Variants in QTMAN observed in about 807,000 individuals in gnomAD.
QTMAN encodes queuosine-tRNA mannosyltransferase.
the QTMAN span, among the ~76,000 whole-genome samples, chr2:144,221,768 A>C: frequency 6.6e-6 from 1 of 152,210 alleles, no homozygotes; most frequent in South Asian, 2.1e-4. Context: ...TATTGCTATA[A>C]GGAAATTCAT....
the QTMAN span, among the ~76,000 whole-genome samples, chr2:144,306,868 G>T: frequency 1.3e-5 from 2 of 152,002 alleles, no homozygotes; most frequent in Admixed American, 6.6e-5. Context: ...AGTGTTAAAA[G>T]AAAATACAAA....
chr2:144,145,641 T>C, the QTMAN span: 29 of 1,611,232 alleles, frequency 1.8e-5, no homozygotes, highest in African/African-American at 5.4e-5. Context: ...ATATATCAAC[T>C]GGTTCTCGTG....
the QTMAN span, among the ~76,000 whole-genome samples, chr2:144,013,751 A>G: frequency 6.6e-6 from 1 of 152,346 alleles, no homozygotes; most frequent in Admixed American, 6.5e-5. Context: ...ACATTGAGGC[A>G]GTTCAGCGAT....
the QTMAN span, among the ~76,000 whole-genome samples, chr2:144,061,245 C>A: frequency 1.3e-5 from 2 of 152,112 alleles, no homozygotes; most frequent in Non-Finnish European, 2.9e-5. Context: ...TCCAGGAACT[C>A]TCCTCTCCTC....
the QTMAN span, chr2:144,145,764 T>G: frequency 6.3e-7 from 1 of 1,595,140 alleles, no homozygotes; most frequent in Non-Finnish European, 8.6e-7. Context: ...AATTGGGGTT[T>G]ACTGTCCCAA....
the QTMAN span, chr2:144,177,364 G>A: frequency 1.7e-6 from 1 of 571,634 alleles, no homozygotes; most frequent in Non-Finnish European, 3.1e-6. Context: ...TGGGGTTTGG[G>A]GGTAGTCAAT....
At chr2:144,168,007 C>T in the QTMAN span, among the ~76,000 whole-genome samples, 1 of 152,166 alleles carries the variant, frequency 6.6e-6, no homozygotes, top group African/African-American at 2.4e-5. Context: ...TCCTTTCTAA[C>T]ATATTGCCTT....
At chr2:144,248,927 CA>C in the QTMAN span, among the ~76,000 whole-genome samples, 1 of 152,068 alleles carries the variant, frequency 6.6e-6, no homozygotes, top group Admixed American at 6.6e-5. Flanking sequence ...GGGCAGTGTT[CA>C]AATGTAGACC....
the QTMAN span, among the ~76,000 whole-genome samples, chr2:144,126,404 T>C: frequency 1.3e-5 from 2 of 152,120 alleles, no homozygotes; most frequent in Admixed American, 6.6e-5. Flanking sequence ...GTGATTATGA[T>C]GTCCACTTAA....
chr2:144,041,860 G>C, the QTMAN span, among the ~76,000 whole-genome samples: 1 of 152,200 alleles, frequency 6.6e-6, no homozygotes, highest in Non-Finnish European at 1.5e-5. Context: ...GCAGATGAGT[G>C]AATAAAGGAG....
chr2:144,062,008 A>G, the QTMAN span, among the ~76,000 whole-genome samples: 20 of 152,156 alleles, frequency 1.3e-4, no homozygotes, highest in African/African-American at 3.9e-4. Context: ...CATTCAGTAA[A>G]ATCCCCGCGT....
the QTMAN span, among the ~76,000 whole-genome samples, chr2:144,194,368 G>T: frequency 6.6e-6 from 1 of 152,106 alleles, no homozygotes; most frequent in Non-Finnish European, 1.5e-5. Flanking sequence ...CTTGCATTTA[G>T]CTCCCCTGAC....
At chr2:144,041,165 C>T in the QTMAN span, among the ~76,000 whole-genome samples, 1 of 152,090 alleles carries the variant, frequency 6.6e-6, no homozygotes, top group African/African-American at 2.4e-5. Flanking sequence ...ATTTTGGGGT[C>T]AAGCGATTTT....
chr2:143,955,071 T>C, the QTMAN span, among the ~76,000 whole-genome samples: 3 of 152,156 alleles, frequency 2.0e-5, no homozygotes, highest in Admixed American at 6.6e-5. Context: ...TCGCATTATC[T>C]AGCAATAATG....
the QTMAN span, among the ~76,000 whole-genome samples, chr2:144,080,278 T>C: frequency 6.6e-6 from 1 of 152,138 alleles, no homozygotes; most frequent in African/African-American, 2.4e-5. Flanking sequence ...TAAATACACA[T>C]TTCTGGAAAG....
chr2:143,952,843 C>T, the QTMAN span: 4 of 1,597,204 alleles, frequency 2.5e-6, no homozygotes, highest in Non-Finnish European at 3.4e-6. Flanking sequence ...CAGCTTCCAA[C>T]CTAGAAAAAT....
At chr2:144,182,894 A>AATATATATATATTATATATATATTT in the QTMAN span, among the ~76,000 whole-genome samples, 40 of 90,494 alleles carry the variant, frequency 4.4e-4, no homozygotes, top group African/African-American at 1.6e-3. Flanking sequence ...TTTTATATAT[A>AATATATATATATTATATATATATTT]TATATATTAT....
the QTMAN span, among the ~76,000 whole-genome samples, chr2:144,167,053 A>C: frequency 6.6e-6 from 1 of 152,154 alleles, no homozygotes; most frequent in Admixed American, 6.5e-5. Flanking sequence ...TTTGTACATT[A>C]TCTCTGCTTA....
the QTMAN span, among the ~76,000 whole-genome samples, chr2:144,290,977 C>T: frequency 1.2e-4 from 19 of 152,250 alleles, no homozygotes; most frequent in East Asian, 5.8e-4. Context: ...ATCAAGGTGT[C>T]GGCAGGGTTG....
Sources: allele counts gnomAD v4.1 joint callset (sites outside exome capture counted in the v4.1 genomes callset), GRCh38; gene constraint gnomAD v4.1.1; transcripts MANE v1.5; gene names NCBI Gene and HGNC (gene_info 2026-07-23, HGNC 2026-07-21).